The following TNNI2 variants were observed in gnomAD, a reference collection of about 807,000 sequenced individuals.
TNNI2 encodes the protein troponin I, fast skeletal muscle.
Under a neutral mutation model 26.5 loss-of-function variants are expected in TNNI2, and 14 were observed. The observed-to-expected ratio is 0.53, with a 90% CI of 0.35 to 0.83. The LOEUF (loss-of-function observed/expected upper bound fraction) is 0.83. Among genes scored for constraint, TNNI2 ranks in the 40% least tolerant of loss-of-function variants. The pLI is 0.01. For synonymous variants in TNNI2, 126 were observed against 97.6 expected (o/e 1.29, Z -1.71); for missense variants, 205 against 248.5 (o/e 0.82, Z 1.18).
Position 1,840,849 on chromosome 11 carries a change from G to A in TNNI2, c.217G>A (p.Asp73Asn), listed in dbSNP as rs747153883. ...CTGCAAACAGCTGCACGCCAAGATCGATGCGGCTGAAGAGGAGAAGTACGA... is the reference window on the plus strand; with the variant it reads ...CTGCAAACAGCTGCACGCCAAGATCAATGCGGCTGAAGAGGAGAAGTACGA... Reference protein sequence around the residue: ...ELCKQLHAKIDAAEEEKYDME... With the variant: ...ELCKQLHAKINAAEEEKYDME... Residue 73 changes from aspartate to asparagine, a missense_variant, in exon 6 of 8, where the codon GAT (aspartate) becomes AAT (asparagine). Physicochemically the swap from Asp to Asn is conservative, Grantham distance 23. Coordinates refer to ENST00000381911, the MANE Select transcript of TNNI2 (RefSeq NM_003282.4). 1.5e-5 allele frequency: 24 copies of A among 1,613,208 alleles called. No homozygotes were observed. Among genetic ancestry groups the A allele is most frequent in the Middle Eastern group, 1.7e-4 (1 of 5,990 alleles).
chr11:1,840,924 G>C lies in TNNI2; in HGVS notation c.276+16G>C, dbSNP rs368893841. 4.3e-6 allele frequency: 7 copies of C among 1,609,368 alleles called. No homozygotes were observed. The highest frequency in any genetic ancestry group is 2.2e-5 in the South Asian group (2 of 90,690). ...CAGCAAGGAGGTGAGTGGTGGCGGC[G>C]GGCCGGCGGCAGGCGGGTAGGCGGT... is the stretch of plus-strand genomic sequence containing the variant. On this transcript the variant is annotated intron_variant, in intron 6 of 7. Transcript: ENST00000381911.
intron 3 of TNNI2, 51 bp downstream of exon 3, chr11:1,839,906 C>T: frequency 6.2e-7 from 1 of 1,612,428 alleles, no homozygotes; most frequent in East Asian, 2.2e-5. Flanking sequence ...GCTCCCCCAA[C>T]TCAGCATAGG....
Position 1,840,457 on chromosome 11 carries a change from TC to T in TNNI2, c.57+16del, listed in dbSNP as rs750048012. On this transcript the variant is annotated intron_variant, in intron 4 of 7. Transcript: ENST00000381911. ...GCAGCACCTGAAGGTAGGTGTGGGC[TC>T]CCGGGGGGGTGGCCCAGGTGGGTCT... 1.2e-6 allele frequency: 2 copies of T among 1,610,620 alleles called. No homozygotes were observed. Among genetic ancestry groups the T allele is most frequent in the African/African-American group, 1.3e-5 (1 of 74,908 alleles).
chr11:1,841,678 A>C lies in TNNI2; in HGVS notation c.*127A>C. On this transcript the variant is annotated 3_prime_UTR_variant, in exon 8 of 8. Transcript: ENST00000381911. ...CCGTCAATAAAGGATTTGAATCCCC[A>C]TGGCTGGTCTGGTCTGGCTCTCCCC... The C allele has an allele frequency of 1.1e-6, 1 of 874,856 alleles. No homozygotes were observed. The highest frequency in any genetic ancestry group is 1.8e-6 in the Non-Finnish European group (1 of 542,644). The allele number at this position is 874,856 out of a possible 1,614,324, so 54.2% of individuals were successfully genotyped here.
At position 1,840,432 on chromosome 11, in the gene TNNI2, G is replaced by A. The variant is rs1589795960; in HGVS notation, c.45G>A (p.Arg15=). ...EKRNRAITAR[R]QHLKSVMLQI... is the part of the protein sequence containing the mutation. The stretch of plus-strand genomic sequence containing the variant: ...GGAACAGGGCCATCACGGCCCGCAG[G>A]CAGCACCTGAAGGTAGGTGTGGGCT... Residue 15 remains arginine, a synonymous_variant, in exon 4 of 8, where the codon AGG becomes AGA. Coordinates refer to ENST00000381911, the MANE Select transcript of TNNI2 (RefSeq NM_003282.4). 6.2e-7 allele frequency: 1 copy of A among 1,610,832 alleles called. No individual in the cohort carries two copies. Among genetic ancestry groups the A allele is most frequent in the Non-Finnish European group, 8.5e-7 (1 of 1,179,580 alleles).
At position 1,841,072 on chromosome 11, in the gene TNNI2, G is replaced by A; in HGVS notation, c.318G>A (p.Lys106=). 1.9e-6 allele frequency: 3 copies of A among 1,613,204 alleles called. No homozygotes were observed. The South Asian group carries it at 3.3e-5, about 18-fold the overall frequency. ...AGAAGCTATTTGATCTGCGGGGCAA[G>A]TTCAAGCGGCCCCCACTGCGGAGGG... ...MNQKLFDLRG[K]FKRPPLRRVR... The change falls in exon 7 of 8, where the codon AAG becomes AAA. Residue 106 remains lysine (K), a synonymous_variant. Coordinates refer to ENST00000381911, the MANE Select transcript of TNNI2 (RefSeq NM_003282.4).
rs376039950 is a variant in TNNI2 at position 1,840,774 on chromosome 11, C to T, written c.187-45C>T. On this transcript the variant is annotated intron_variant, in intron 5 of 7. Coordinates refer to ENST00000381911, the MANE Select transcript of TNNI2 (RefSeq NM_003282.4). ...TCAGGGCAGGGGCAGGTGACCGTGGCTGCCAAGTGTCAGGACGGCCGCCCG... is the reference window on the plus strand; with the variant it reads ...TCAGGGCAGGGGCAGGTGACCGTGGTTGCCAAGTGTCAGGACGGCCGCCCG... 5.9e-5 allele frequency: 95 copies of T among 1,602,016 alleles called. No individual in the cohort carries two copies. In the African/African-American group the frequency reaches 1.2e-3, roughly 20 times the overall value.
rs1444398517 is a variant in TNNI2 at position 1,840,444 on chromosome 11, G to A, written c.57G>A (p.Lys19=). Residue 19 remains lysine, a splice_region_variant and synonymous_variant, in exon 4 of 8, where the codon AAG becomes AAA. Coordinates refer to ENST00000381911, the MANE Select transcript of TNNI2 (RefSeq NM_003282.4). The part of the protein sequence containing the change: ...RAITARRQHL[K]SVMLQIAATE... ...TCACGGCCCGCAGGCAGCACCTGAA[G>A]GTAGGTGTGGGCTCCCGGGGGGGTG... The A allele has an allele frequency of 1.2e-6, 2 of 1,610,810 alleles. No homozygotes were observed. The highest frequency in any genetic ancestry group is 8.5e-7 in the Non-Finnish European group (1 of 1,179,612).
chr11:1,840,326 G>A, intron 3 of TNNI2, 77 bp from the exon 4 acceptor site: 1 of 1,554,550 alleles, frequency 6.4e-7, no homozygotes. Flanking sequence ...CCCTGACCTG[G>A]CCAGGGAGCG....
chr11:1,841,026 C>G lies in TNNI2; in HGVS notation c.277-5C>G. The stretch of plus-strand genomic sequence containing the variant: ...CGGGCTCCCACCCGGCTCCCCTGCC[C>G]ACAGCTGGAGGACATGAACCAGAAG... On this transcript the variant is annotated splice_polypyrimidine_tract_variant and splice_region_variant and intron_variant, in intron 6 of 7. Coordinates refer to ENST00000381911, the MANE Select transcript of TNNI2 (RefSeq NM_003282.4). The G allele has an allele frequency of 6.2e-7, 1 of 1,612,386 alleles. No individual in the cohort carries two copies. Among genetic ancestry groups the G allele is most frequent in the Non-Finnish European group, 8.5e-7 (1 of 1,179,590 alleles).
intron 3 of TNNI2, 119 bp from the exon 4 acceptor site, chr11:1,840,283 GC>G: frequency 6.5e-7 from 1 of 1,547,570 alleles, no homozygotes; most frequent in Non-Finnish European, 8.7e-7. Context: ...GGCCTCAGGA[GC>G]CCCCAGGCTC....
chr11:1,841,274 G>A (rs896996418), intron 7 of TNNI2, 67 bp downstream of exon 7: 19 of 1,588,460 alleles, frequency 1.2e-5, no homozygotes, highest in Admixed American at 1.7e-5. Context: ...CACCTGCCCC[G>A]CCTGGGGACC....
At position 1,841,473 on chromosome 11, in the gene TNNI2, C is replaced by T. The variant is rs767358691; in HGVS notation, c.471C>T (p.Asp157=). ...EDTEKERDLR[D]VGDWRKNIEE... ...CTCCACAGGAGCGGGACCTGCGAGA[C>T]GTGGGTGACTGGAGGAAGAACATCG... The change falls in exon 8 of 8, where the codon GAC becomes GAT. Residue 157 remains aspartate, a synonymous_variant. Coordinates refer to ENST00000381911, the MANE Select transcript of TNNI2 (RefSeq NM_003282.4). 22 of 1,613,984 alleles carry T rather than the reference C, an allele frequency of 1.4e-5. No individual in the cohort carries two copies. The highest frequency in any genetic ancestry group is 2.7e-5 in the African/African-American group (2 of 74,916).
rs935163958 is a variant in TNNI2, at chr11:1,840,565, A to C, written c.95A>C (p.Lys32Thr). The C allele has an allele frequency of 1.2e-6, 2 of 1,612,562 alleles. No homozygotes were observed. Among genetic ancestry groups the C allele is most frequent in the Non-Finnish European group, 1.7e-6 (2 of 1,179,794 alleles). ...CAGATAGCGGCCACGGAGCTGGAGA[A>C]GGAGGAGAGCCGCCGTGAGGCAGAG... is the stretch of plus-strand genomic sequence containing the variant. ...MLQIAATELE[K>T]EESRREAEKQ... is the part of the protein sequence containing the mutation. The change falls in exon 5 of 8, where the codon AAG becomes ACG. Residue 32 changes from lysine to threonine, a missense_variant. By Grantham distance (78) the Lys-to-Thr change is moderately conservative (BLOSUM62 -1). Coordinates refer to ENST00000381911, the MANE Select transcript of TNNI2 (RefSeq NM_003282.4).
At position 1,840,539 on chromosome 11, in the gene TNNI2, G is replaced by A. The variant is rs750299599; in HGVS notation, c.69G>A (p.Leu23=). ...CTGCCCCACCGCAGAGTGTGATGCT[G>A]CAGATAGCGGCCACGGAGCTGGAGA... ...ARRQHLKSVM[L]QIAATELEKE... is the part of the protein sequence containing the mutation. The change falls in exon 5 of 8, where the codon CTG becomes CTA. Residue 23 remains leucine, a synonymous_variant. Transcript: ENST00000381911. The A allele has an allele frequency of 2.5e-6, 4 of 1,612,218 alleles. No homozygotes were observed. Among genetic ancestry groups the A allele is most frequent in the Non-Finnish European group, 3.4e-6 (4 of 1,179,740 alleles).
In TNNI2 at chr11:1,840,499, G is replaced by T. The variant is rs1237673483; in HGVS notation, c.58-29G>T. On this transcript the variant is annotated intron_variant, in intron 4 of 7. Coordinates refer to ENST00000381911, the MANE Select transcript of TNNI2 (RefSeq NM_003282.4). The stretch of plus-strand genomic sequence containing the variant: ...AGGTGGGTCTGCAGGGGAGCTGGCT[G>T]CAGCCCCTCACCGCCTGCCCCACCG... 3.1e-6 allele frequency: 5 copies of T among 1,610,640 alleles called. No homozygotes were observed. The African/African-American group carries it at 6.7e-5, about 21-fold the overall frequency.
At chr11:1,839,824 G>GCCTGCGTCCTC (rs1847123247) in intron 2 of TNNI2, 25 bp from the exon 3 acceptor site, 1 of 1,613,836 alleles carries the variant, frequency 6.2e-7, no homozygotes, top group Non-Finnish European at 8.5e-7. Context: ...TCCCCGTCCT[G>GCCTGCGTCCTC]CCTGCGTCCT....
chr11:1,839,354 C>G (rs1847112394), intron 1 of TNNI2: 1 of 429,342 alleles, frequency 2.3e-6, no homozygotes, highest in African/African-American at 2.0e-5. Context: ...GGCCCAAAGC[C>G]AAAGAGAGAG....
At position 1,840,806 on chromosome 11, in the gene TNNI2, C is replaced by T. The variant is rs1847154442; in HGVS notation, c.187-13C>T. On this transcript the variant is annotated splice_polypyrimidine_tract_variant and intron_variant, in intron 5 of 7. Transcript: ENST00000381911. ...GTGTCAGGACGGCCGCCCGCCCCCACACCCACCCCTAGGAGCTCTGCAAAC... is the reference window on the plus strand; with the variant it reads ...GTGTCAGGACGGCCGCCCGCCCCCATACCCACCCCTAGGAGCTCTGCAAAC... 1 of 1,609,604 alleles carries T rather than the reference C, an allele frequency of 6.2e-7. No individual in the cohort carries two copies. Among genetic ancestry groups the T allele is most frequent in the Middle Eastern group, 1.8e-4 (1 of 5,524 alleles).
Sources: gnomAD v4.1 joint callset for allele counts on GRCh38, gnomAD v4.1.1 for gene constraint, MANE v1.5 for transcripts, NCBI Gene and HGNC (gene_info 2026-07-23, HGNC 2026-07-21) for gene names.